Variants in FSCN2 observed in about 807,000 individuals in gnomAD.
The protein encoded by FSCN2 is fascin actin-bundling protein 2, retinal, also known as fascin-2.
FSCN2 carries 46 observed loss-of-function variants against 37.8 expected under a neutral mutation model. The observed-to-expected ratio is 1.22, with a 90% confidence interval of 0.96 to 1.56. The LOEUF is 1.56. Ranked by LOEUF, FSCN2 falls within the 40% of genes most tolerant of loss-of-function variation. The probability of loss-of-function intolerance (pLI) is 0.00; values close to 1 mark genes in which losing one functional copy is unlikely to be tolerated. For missense variants in FSCN2, 844 were observed against 730.4 expected (o/e 1.16, Z -1.79); for synonymous variants, 351 against 309.4 (o/e 1.13, Z -1.41).
intron 3 of FSCN2, 40 bp downstream of exon 3, chr17:81,536,307 C>A: frequency 6.4e-7 from 1 of 1,572,720 alleles, no homozygotes; most frequent in Admixed American, 1.8e-5. Flanking sequence ...CAGGGGCTGT[C>A]TCCACCCAGG....
At position 81,529,424 on chromosome 17, in the gene FSCN2, G is replaced by A. The variant is rs782453256; in HGVS notation, c.826+67G>A. ...ACCCCCCTGCTTCAGGGAGGAGGCCGTGGGGGTCTCACGGGGAGTGGTATC... is the reference window on the plus strand; with the variant it reads ...ACCCCCCTGCTTCAGGGAGGAGGCCATGGGGGTCTCACGGGGAGTGGTATC... On this transcript the variant is annotated intron_variant, in intron 1 of 4. Transcript: ENST00000417245. The A allele has an allele frequency of 1.4e-5, 17 of 1,227,214 alleles. No homozygotes were observed. In the East Asian group the frequency reaches 2.0e-4, roughly 14 times the overall value. The allele number at this position is 1,227,214 out of a possible 1,614,324, so 76.0% of individuals were successfully genotyped here. A position where few individuals can be genotyped will look rare whatever the true frequency, so the allele number is the denominator to read the frequency against.
intron 1 of FSCN2, among the ~76,000 whole-genome samples, chr17:81,531,318 A>ATGGTGGTGATGGTGG (rs781882828): frequency 2.5e-5 from 1 of 39,954 alleles, no homozygotes; most frequent in African/African-American, 1.0e-4. Context: ...GGTGGTGGTG[A>ATGGTGGTGATGGTGG]TGATGGTGGT....
chr17:81,524,462 C>T (rs2032289130), upstream of FSCN2, among the ~76,000 whole-genome samples: 1 of 152,212 alleles, frequency 6.6e-6, no homozygotes, highest in African/African-American at 2.4e-5. Context: ...CCACCAGCCT[C>T]AGAGGTGGGC....
the FSCN2 span, among the ~76,000 whole-genome samples, chr17:81,523,148 T>A: frequency 6.6e-5 from 10 of 151,998 alleles, no homozygotes; most frequent in African/African-American, 2.4e-4. Context: ...GCCCTGAGAG[T>A]TCCAAGGCGA....
Position 81,528,925 on chromosome 17 carries a change from A to C in FSCN2, c.394A>C (p.Thr132Pro). ...ATAVSPAELW[T>P]VHLAIHPQAH... is the part of the protein sequence containing the mutation. ...AGCCGTTTCCCCGGCCGAGCTGTGG[A>C]CCGTGCACCTGGCCATCCACCCGCA... The change falls in exon 1 of 5, where the codon ACC (threonine) becomes CCC (proline). Residue 132 changes from threonine to proline, a missense_variant. Transcript: ENST00000417245. 2 of 1,591,658 alleles carry C rather than the reference A, an allele frequency of 1.3e-6. No individual in the cohort carries two copies. Among genetic ancestry groups the C allele is most frequent in the Non-Finnish European group, 1.7e-6 (2 of 1,172,762 alleles).
Position 81,528,573 on chromosome 17 carries a change from T to G in FSCN2, c.42T>G (p.Phe14Leu), listed in dbSNP as rs1555670507. 7 of 1,608,046 alleles carry G rather than the reference T, an allele frequency of 4.4e-6. No homozygotes were observed. In the African/African-American group the frequency reaches 8.0e-5, roughly 18 times the overall value. Residue 14 changes from phenylalanine (F) to leucine (L), a missense_variant, in exon 1 of 5, where the codon TTT (phenylalanine) becomes TTG (leucine). Coordinates refer to ENST00000417245, the MANE Select transcript of FSCN2 (RefSeq NM_012418.4). ...TGCACCAGGTGCTGAAGATCCAGTTTGGCCTCGTCAACGACACTGACCGCT... is the reference window on the plus strand; with the variant it reads ...TGCACCAGGTGCTGAAGATCCAGTTGGGCCTCGTCAACGACACTGACCGCT... ...NGLHQVLKIQ[F>L]GLVNDTDRYL...
chr17:81,528,579 C>G lies in FSCN2; in HGVS notation c.48C>G (p.Leu16=). ...LHQVLKIQFG[L]VNDTDRYLTA... Reference sequence around the variant, plus strand: ...AGGTGCTGAAGATCCAGTTTGGCCTCGTCAACGACACTGACCGCTACCTGA... The same window carrying G: ...AGGTGCTGAAGATCCAGTTTGGCCTGGTCAACGACACTGACCGCTACCTGA... The change falls in exon 1 of 5, where the codon CTC becomes CTG. Residue 16 remains leucine (L), a synonymous_variant. Coordinates refer to ENST00000417245, the MANE Select transcript of FSCN2 (RefSeq NM_012418.4). 2 of 1,608,436 alleles carry G rather than the reference C, an allele frequency of 1.2e-6. No individual in the cohort carries two copies. Among genetic ancestry groups the G allele is most frequent in the Non-Finnish European group, 8.5e-7 (1 of 1,177,890 alleles).
chr17:81,537,006 C>T lies in FSCN2; in HGVS notation c.1405C>T (p.Leu469=), dbSNP rs748924470. The T allele has an allele frequency of 1.1e-5, 16 of 1,511,294 alleles. No individual in the cohort carries two copies. The highest frequency in any genetic ancestry group is 1.4e-5 in the Non-Finnish European group (16 of 1,136,662). 93.6% of individuals were successfully genotyped at this position (1,511,294 alleles called of 1,614,324 possible). A position where few individuals can be genotyped will look rare whatever the true frequency, so the allele number is the denominator to read the frequency against. The change falls in exon 5 of 5, where the codon CTG becomes TTG. Residue 469 remains leucine, a synonymous_variant. Coordinates refer to ENST00000417245, the MANE Select transcript of FSCN2 (RefSeq NM_012418.4). ...CATCCGCGCCCGGAGCGGCAAGTAC[C>T]TGCGCGGCGGCGCCTCGGGCCTGCT... is the stretch of plus-strand genomic sequence containing the variant. The part of the protein sequence containing the change: ...LAIRARSGKY[L]RGGASGLLRA...
At chr17:81,522,473 G>A in the FSCN2 span, among the ~76,000 whole-genome samples, 12 of 152,324 alleles carry the variant, frequency 7.9e-5, no homozygotes, top group African/African-American at 2.9e-4. Context: ...CCTTCTCACC[G>A]TAGAGTGATA....
At position 81,529,306 on chromosome 17, in the gene FSCN2, C is replaced by T; in HGVS notation, c.775C>T (p.Pro259Ser). ...DELFDLEESH[P>S]QVVLVAANHR... Reference sequence around the variant, plus strand: ...GCTCTTTGATCTGGAGGAGAGTCACCCACAGGTGGTGCTGGTGGCTGCCAA... The same window carrying T: ...GCTCTTTGATCTGGAGGAGAGTCACTCACAGGTGGTGCTGGTGGCTGCCAA... The change falls in exon 1 of 5, where the codon CCA becomes TCA. Residue 259 changes from proline to serine, a missense_variant. Transcript: ENST00000417245. 1 of 1,568,176 alleles carries T rather than the reference C, an allele frequency of 6.4e-7. No homozygotes were observed. Among genetic ancestry groups the T allele is most frequent in the South Asian group, 1.2e-5 (1 of 82,986 alleles).
intron 1 of FSCN2, among the ~76,000 whole-genome samples, chr17:81,532,335 GTGATGATGATGATAGTGATGGTGGTGA>G (rs1568079126): frequency 2.1e-5 from 3 of 141,470 alleles, no homozygotes; most frequent in African/African-American, 8.2e-5. Flanking sequence ...GATAGTGATG[GTGATGATGATGATAGTGATGGTGGTGA>G]TGGTGATGGT....
In FSCN2 at chr17:81,536,617, G is replaced by A. The variant is rs550861612; in HGVS notation, c.1106-5G>A. ...GGGCAGCGCAGCAGACGCTCTCCCC[G>A]CCAGGCAAGGACGAAGAGTTCACCC... On this transcript the variant is annotated splice_polypyrimidine_tract_variant and splice_region_variant and intron_variant, in intron 3 of 4. Coordinates refer to ENST00000417245, the MANE Select transcript of FSCN2 (RefSeq NM_012418.4). 5 of 1,608,252 alleles carry A rather than the reference G, an allele frequency of 3.1e-6. No individual in the cohort carries two copies. Among genetic ancestry groups the A allele is most frequent in the Non-Finnish European group, 3.4e-6 (4 of 1,179,616 alleles).
chr17:81,529,215 C>T lies in FSCN2; in HGVS notation c.684C>T (p.Tyr228=). The change falls in exon 1 of 5, where the codon TAC becomes TAT. Residue 228 remains tyrosine, a synonymous_variant. Transcript: ENST00000417245. The part of the protein sequence containing the change: ...KLAFKDCDGH[Y]LAPVGPAGTL... ...CCTTCAAGGACTGCGACGGCCACTA[C>T]CTGGCACCCGTGGGGCCCGCAGGCA... 2 of 1,599,564 alleles carry T rather than the reference C, an allele frequency of 1.3e-6. No homozygotes were observed. Among genetic ancestry groups the T allele is most frequent in the Non-Finnish European group, 1.7e-6 (2 of 1,173,430 alleles).
chr17:81,524,706 G>A (rs1361217265), upstream of FSCN2, among the ~76,000 whole-genome samples: 2 of 151,706 alleles, frequency 1.3e-5, no homozygotes, highest in East Asian at 1.9e-4. Context: ...TGTGAGTTGT[G>A]TATGTCTGGA....
chr17:81,529,079 G>T lies in FSCN2; in HGVS notation c.548G>T (p.Arg183Leu). ...CTCACCCTCATCTTCCGGAGCCGAC[G>T]GTACTGCCTCAAGTCCTGTGACAGC... ...ALLTLIFRSR[R>L]YCLKSCDSRY... Residue 183 changes from arginine (R) to leucine (L), a missense_variant, in exon 1 of 5, where the codon CGG becomes CTG. By Grantham distance (102) the Arg-to-Leu change is moderately radical. Transcript: ENST00000417245. 6.3e-7 allele frequency: 1 copy of T among 1,590,756 alleles called. No individual in the cohort carries two copies. Among genetic ancestry groups the T allele is most frequent in the East Asian group, 2.3e-5 (1 of 43,660 alleles).
At position 81,537,094 on chromosome 17, in the gene FSCN2, C is replaced by A; in HGVS notation, c.*14C>A. The stretch of plus-strand genomic sequence containing the variant: ...TGGGAGTACTGAGGCCGCGCCCAGA[C>A]CAGCCTGTCGCGCATTAAAACCGTG... On this transcript the variant is annotated 3_prime_UTR_variant, in exon 5 of 5. Coordinates refer to ENST00000417245, the MANE Select transcript of FSCN2 (RefSeq NM_012418.4). 7.1e-7 allele frequency: 1 copy of A among 1,412,184 alleles called. No individual in the cohort carries two copies. The highest frequency in any genetic ancestry group is 9.2e-7 in the Non-Finnish European group (1 of 1,089,162). 87.5% of individuals were successfully genotyped at this position (1,412,184 alleles called of 1,614,324 possible).
At chr17:81,523,319 C>CT in the FSCN2 span, among the ~76,000 whole-genome samples, 1 of 152,238 alleles carries the variant, frequency 6.6e-6, no homozygotes, top group African/African-American at 2.4e-5. Context: ...CCTGCCTTGC[C>CT]GATGGAGCCT....
intron 1 of FSCN2, among the ~76,000 whole-genome samples, chr17:81,531,889 CGAT>C (rs1568078368): frequency 6.7e-5 from 1 of 14,976 alleles, no homozygotes; most frequent in African/African-American, 3.0e-4. Context: ...ATGGTGATGG[CGAT>C]GATGGTGATA....
chr17:81,536,854 C>T (rs752541677), intron 4 of FSCN2, 21 bp from the exon 5 acceptor site: 22 of 1,552,042 alleles, frequency 1.4e-5, no homozygotes, highest in South Asian at 1.1e-4. Flanking sequence ...GCACCCCCGC[C>T]GACGCCGTCC....
Sources: gnomAD v4.1 joint callset for allele counts (sites outside exome capture counted in the v4.1 genomes callset) on GRCh38, gnomAD v4.1.1 for gene constraint, MANE v1.5 for transcripts, NCBI Gene and HGNC (gene_info 2026-07-23, HGNC 2026-07-21) for gene names.